The following PTPRA variants were observed in gnomAD, a reference collection of about 807,000 sequenced individuals.
The protein encoded by PTPRA is protein tyrosine phosphatase receptor type A, also known as receptor-type tyrosine-protein phosphatase alpha.
Under a neutral mutation model 104.8 loss-of-function variants are expected in PTPRA, and 25 were observed. The ratio of observed to expected loss-of-function variants is 0.24; its 90% CI spans 0.17 to 0.33. The LOEUF is 0.33. PTPRA is among the 10% of genes least tolerant of loss of function. The pLI, the probability that PTPRA is intolerant of heterozygous loss-of-function variation, is 1.00. For missense variants in PTPRA, 765 were observed against 1,015.3 expected, an observed-to-expected ratio of 0.75 and a Z score of 3.35; for synonymous variants, 323 against 368.9, an observed-to-expected ratio of 0.88 and a Z score of 1.43.
intron 5 of PTPRA, among the ~76,000 whole-genome samples, chr20:2,969,631 G>A (rs2062089753): frequency 1.0e-5 from 1 of 99,304 alleles, no homozygotes; most frequent in Non-Finnish European, 2.0e-5. Flanking sequence ...GAGGCGGGCA[G>A]ATCACGAGGT....
At chr20:2,919,755 A>T (rs1459462707) in intron 1 of PTPRA, among the ~76,000 whole-genome samples, 35 of 152,180 alleles carry the variant, frequency 2.3e-4, no homozygotes, top group Admixed American at 2.3e-3. Context: ...TAAGGGAAAG[A>T]AAGTAATTGG....
intron 5 of PTPRA, among the ~76,000 whole-genome samples, chr20:2,966,145 A>G (rs2061937338): frequency 6.6e-6 from 1 of 152,174 alleles, no homozygotes; most frequent in African/African-American, 2.4e-5. Flanking sequence ...ACTGCGCCTT[A>G]TAACTCAGAC....
At chr20:2,897,096 T>C (rs2147055731) in intron 1 of PTPRA, among the ~76,000 whole-genome samples, 1 of 152,366 alleles carries the variant, frequency 6.6e-6, no homozygotes, top group South Asian at 2.1e-4. Context: ...TCATGTCAAT[T>C]TGTCCAATTA....
chr20:2,961,840 T>G (rs2422835), intron 3 of PTPRA, among the ~76,000 whole-genome samples: 115,473 of 152,090 alleles, frequency 0.76, 47,235 homozygotes, highest in Middle Eastern at 0.94. Context: ...TAGCTGTCCC[T>G]TTCCAGTATC....
At chr20:2,996,983 A>G (rs1051568952) in intron 9 of PTPRA, among the ~76,000 whole-genome samples, 4 of 152,220 alleles carry the variant, frequency 2.6e-5, no homozygotes, top group African/African-American at 9.6e-5. Context: ...TGTTTATGAC[A>G]GCATTATTTA....
In PTPRA at chr20:2,928,126, T is replaced by G. The variant is rs140429353; in HGVS notation, c.-50+4841T>G. Among the ~76,000 whole-genome samples, 139 of 151,932 alleles carry G rather than the reference T, an allele frequency of 9.1e-4. 1 individual carries two copies. Among genetic ancestry groups the G allele is most frequent in the East Asian group, 6.4e-3 (33 of 5,158 alleles). The stretch of plus-strand genomic sequence containing the variant: ...TCTTTCTGGTATCCGTTTTTTGTTG[T>G]TGTTGTTGTTGTTGTTTGTTTGTTT... On this transcript the variant is annotated intron_variant, in intron 2 of 23. Transcript: ENST00000399903.
chr20:3,013,734 G>T (rs182306603), intron 11 of PTPRA, among the ~76,000 whole-genome samples: 64 of 152,158 alleles, frequency 4.2e-4, no homozygotes, highest in Middle Eastern at 3.4e-3. Context: ...ATCTTTAGAC[G>T]TGTTTCTTTT....
At chr20:2,963,992 A>G (rs1376052003) in intron 3 of PTPRA, among the ~76,000 whole-genome samples, 1 of 149,314 alleles carries the variant, frequency 6.7e-6, no homozygotes, top group Non-Finnish European at 1.5e-5. Flanking sequence ...CTGAGCTATG[A>G]TCATAACCAC....
intron 2 of PTPRA, among the ~76,000 whole-genome samples, chr20:2,927,310 T>C (rs1205061136): frequency 1.3e-5 from 2 of 152,226 alleles, no homozygotes; most frequent in Non-Finnish European, 1.5e-5. Flanking sequence ...TCATAGACCC[T>C]GGGCTATTCA....
intron 3 of PTPRA, among the ~76,000 whole-genome samples, chr20:2,951,714 C>T (rs968683517): frequency 1.3e-5 from 2 of 152,174 alleles, no homozygotes; most frequent in South Asian, 4.1e-4. Context: ...CCTTACTGAC[C>T]CTAGCTAGTG....
chr20:3,016,267 T>A (rs189625943), intron 12 of PTPRA, among the ~76,000 whole-genome samples: 3 of 152,312 alleles, frequency 2.0e-5, no homozygotes. Flanking sequence ...GGGTCCAGGC[T>A]GGTTCTCCCC....
At chr20:2,970,173 A>G (rs2062126028) in intron 5 of PTPRA, among the ~76,000 whole-genome samples, 1 of 152,200 alleles carries the variant, frequency 6.6e-6, no homozygotes, top group Non-Finnish European at 1.5e-5. Flanking sequence ...TTTCCCCATC[A>G]GTGGACACTA....
intron 1 of PTPRA, among the ~76,000 whole-genome samples, chr20:2,876,780 A>T (rs1270601766): frequency 6.6e-6 from 1 of 152,202 alleles, no homozygotes. Context: ...GGGGGGTTGT[A>T]CCAATTTATC....
In PTPRA at chr20:2,978,879, C is replaced by T. The variant is rs55655442; in HGVS notation, c.442+3638C>T. ...GGGCTAAATTTGGGCTATAGTTTGC[C>T]GACCCCTCTTCTAGGCAAAGAACTG... On this transcript the variant is annotated intron_variant, in intron 6 of 23. Transcript: ENST00000399903. 4.0e-3 allele frequency among the ~76,000 whole-genome samples: 604 copies of T among 152,222 alleles called. 3 individuals carry two copies. Among genetic ancestry groups the T allele is most frequent in the Non-Finnish European group, 7.4e-3 (503 of 68,024 alleles).
At chr20:2,906,153 A>C (rs1277666370) in intron 1 of PTPRA, among the ~76,000 whole-genome samples, 1 of 152,226 alleles carries the variant, frequency 6.6e-6, no homozygotes, top group Non-Finnish European at 1.5e-5. Context: ...TTGAAACATT[A>C]ATTAGTAGAA....
chr20:2,915,210 G>A (rs1336343020), intron 1 of PTPRA, among the ~76,000 whole-genome samples: 1 of 152,026 alleles, frequency 6.6e-6, no homozygotes, highest in African/African-American at 2.4e-5. Context: ...TCCCACCTCA[G>A]CCTCCCAAGT....
chr20:2,929,755 C>G (rs1297543343), intron 2 of PTPRA, among the ~76,000 whole-genome samples: 1 of 152,024 alleles, frequency 6.6e-6, no homozygotes, highest in Admixed American at 6.6e-5. Flanking sequence ...AGCCCAGGAG[C>G]TCGAGGCTGC....
At position 2,910,863 on chromosome 20, in the gene PTPRA, C is replaced by G. The variant is rs1175185451; in HGVS notation, c.-128-12344C>G. 3.3e-5 allele frequency among the ~76,000 whole-genome samples: 5 copies of G among 150,922 alleles called. No homozygotes were observed. The East Asian group carries it at 9.7e-4, about 29-fold the overall frequency. On this transcript the variant is annotated intron_variant, in intron 1 of 23. Transcript: ENST00000399903. ...CTCATGATCCACCTGCCTTGGCCTC[C>G]CAAAGTGCTGGGATCACAGGTGTGA...
rs2065161815 is a variant in PTPRA at position 3,026,675 on chromosome 20, T to C, written c.1615-12T>C. On this transcript the variant is annotated splice_polypyrimidine_tract_variant and intron_variant, in intron 17 of 23. Transcript: ENST00000399903. Reference sequence around the variant, plus strand: ...GGGATCAGTAATGTTTCCCCTCCCCTTCCCAATTCAGAAGTTAACATCAAT... The same window carrying C: ...GGGATCAGTAATGTTTCCCCTCCCCCTCCCAATTCAGAAGTTAACATCAAT... 6.3e-7 allele frequency: 1 copy of C among 1,593,552 alleles called. No homozygotes were observed. The highest frequency in any genetic ancestry group is 8.6e-7 in the Non-Finnish European group (1 of 1,161,442).
Sources: allele counts gnomAD v4.1 joint callset (sites outside exome capture counted in the v4.1 genomes callset), GRCh38; gene constraint gnomAD v4.1.1; transcripts MANE v1.5; gene names NCBI Gene and HGNC (gene_info 2026-07-23, HGNC 2026-07-21).